Variants in HS2ST1 observed in about 807,000 individuals in gnomAD.
HS2ST1 encodes 2-O-sulfotransferase.
HS2ST1 carries 18 observed loss-of-function variants against 42.9 expected under a neutral mutation model. That is an observed-to-expected ratio of 0.42 (90% CI 0.29 to 0.62). The LOEUF is 0.62. Ranked by LOEUF, HS2ST1 falls within the 20% of genes least tolerant of loss-of-function variation. The pLI is 0.21. For missense variants in HS2ST1, 334 were observed against 433.8 expected (o/e 0.77, Z 2.04); for synonymous variants, 146 against 152.9 (o/e 0.95, Z 0.33).
chr1:87,060,755 A>C (rs1339468592), intron 1 of HS2ST1, among the ~76,000 whole-genome samples: 1 of 152,188 alleles, frequency 6.6e-6, no homozygotes, highest in Non-Finnish European at 1.5e-5. Context: ...TTAATGTAAT[A>C]ACTGTAGAAA....
chr1:86,987,906 GA>G (rs1344419771), intron 1 of HS2ST1, among the ~76,000 whole-genome samples: 1 of 152,148 alleles, frequency 6.6e-6, no homozygotes, highest in Non-Finnish European at 1.5e-5. Context: ...GGCTGTTTTG[GA>G]AAATCTTCCC....
At chr1:86,985,351 CAAA>C (rs71082050) in intron 1 of HS2ST1, among the ~76,000 whole-genome samples, 2 of 26,914 alleles carry the variant, frequency 7.4e-5, no homozygotes, top group African/African-American at 1.0e-4. Flanking sequence ...AGACTTGTAT[CAAA>C]AAAAAAAAAA....
At chr1:86,945,022 T>G (rs1291708982) in intron 1 of HS2ST1, among the ~76,000 whole-genome samples, 1 of 152,148 alleles carries the variant, frequency 6.6e-6, no homozygotes, top group Non-Finnish European at 1.5e-5. Context: ...ATCTCTTATA[T>G]CCCTCTAAAT....
At chr1:87,093,943 T>C (rs1364848579) in intron 4 of HS2ST1, among the ~76,000 whole-genome samples, 1 of 152,032 alleles carries the variant, frequency 6.6e-6, no homozygotes, top group Non-Finnish European at 1.5e-5. Context: ...CAAACACAGA[T>C]AACTAACCAA....
chr1:87,066,510 C>A (rs1651253362), intron 1 of HS2ST1, among the ~76,000 whole-genome samples: 1 of 152,144 alleles, frequency 6.6e-6, no homozygotes, highest in Non-Finnish European at 1.5e-5. Context: ...CACCCCTGTG[C>A]CATCAAATCT....
At chr1:86,922,811 C>T (rs1660328137) in intron 1 of HS2ST1, among the ~76,000 whole-genome samples, 2 of 151,934 alleles carry the variant, frequency 1.3e-5, no homozygotes, top group African/African-American at 4.8e-5. Flanking sequence ...TTCTTGTGCC[C>T]TTGTATTATG....
chr1:87,037,197 T>TG (rs140490840), intron 1 of HS2ST1, among the ~76,000 whole-genome samples: 2 of 120,772 alleles, frequency 1.7e-5, no homozygotes, highest in African/African-American at 2.9e-5. Flanking sequence ...GTTTAATATG[T>TG]AATTCTATAA....
chr1:86,923,528 C>T (rs1289166483), intron 1 of HS2ST1, among the ~76,000 whole-genome samples: 2 of 151,940 alleles, frequency 1.3e-5, no homozygotes, highest in Non-Finnish European at 2.9e-5. Flanking sequence ...TCCCGAGTAG[C>T]TGGGACTACA....
chr1:86,978,831 C>G (rs1648497770), intron 1 of HS2ST1, among the ~76,000 whole-genome samples: 1 of 148,174 alleles, frequency 6.7e-6, no homozygotes, highest in Non-Finnish European at 1.5e-5. Context: ...AATACTGATT[C>G]CTGATTCCTA....
intron 2 of HS2ST1, among the ~76,000 whole-genome samples, chr1:87,076,057 A>T (rs1175265098): frequency 6.6e-6 from 1 of 152,198 alleles, no homozygotes; most frequent in Non-Finnish European, 1.5e-5. Context: ...TAAAACATCA[A>T]TTTGTGGTGA....
At chr1:86,926,778 C>G (rs1660431255) in intron 1 of HS2ST1, among the ~76,000 whole-genome samples, 1 of 152,146 alleles carries the variant, frequency 6.6e-6, no homozygotes, top group Non-Finnish European at 1.5e-5. Flanking sequence ...TTTATTATGT[C>G]TCTTGATTTC....
Position 87,059,748 on chromosome 1 carries a change from AT to A in HS2ST1, c.125-13179del, listed in dbSNP as rs1294224733. 3.3e-5 allele frequency among the ~76,000 whole-genome samples: 5 copies of A among 152,246 alleles called. No individual in the cohort carries two copies. The East Asian group carries it at 9.6e-4, about 29-fold the overall frequency. On this transcript the variant is annotated intron_variant, in intron 1 of 6. Transcript: ENST00000370550. ...CAGGCTATGGGCGTCTGGTAAAAGA[AT>A]TTTTTTCCCAAAAATGCTCTGGGAG...
chr1:86,976,649 C>G (rs890601688), intron 1 of HS2ST1, among the ~76,000 whole-genome samples: 1 of 134,676 alleles, frequency 7.4e-6, no homozygotes, highest in African/African-American at 2.6e-5. Context: ...TTGAATGAGT[C>G]TATTATTTCT....
chr1:86,945,299 T>C (rs1040452174), intron 1 of HS2ST1, among the ~76,000 whole-genome samples: 2 of 152,154 alleles, frequency 1.3e-5, no homozygotes. Context: ...GGGGATATCA[T>C]TGGGAAGATG....
chr1:87,018,830 A>C (rs1649840210), intron 1 of HS2ST1, among the ~76,000 whole-genome samples: 1 of 152,174 alleles, frequency 6.6e-6, no homozygotes, highest in Non-Finnish European at 1.5e-5. Flanking sequence ...ATCTCTGGTT[A>C]TTCCAGTACT....
intron 2 of HS2ST1, among the ~76,000 whole-genome samples, chr1:87,076,589 G>A (rs188246228): frequency 1.8e-4 from 28 of 152,198 alleles, no homozygotes; most frequent in Non-Finnish European, 3.4e-4. Flanking sequence ...GAGAAACTAA[G>A]CAATTAGAAT....
At chr1:86,992,554 G>T (rs1001109333) in intron 1 of HS2ST1, among the ~76,000 whole-genome samples, 1 of 151,956 alleles carries the variant, frequency 6.6e-6, no homozygotes, top group Non-Finnish European at 1.5e-5. Context: ...TAGAGACGGG[G>T]TTTCTCCATG....
At chr1:86,924,285 C>T (rs144335418) in intron 1 of HS2ST1, among the ~76,000 whole-genome samples, 6 of 152,346 alleles carry the variant, frequency 3.9e-5, no homozygotes, top group African/African-American at 1.4e-4. Context: ...CCCCCCACTC[C>T]TGGCTACTTT....
rs1034811130 is a variant in HS2ST1, at chr1:87,046,571, C to T, written c.125-26363C>T. The T allele has an allele frequency of 4.3e-5, 68 of 1,576,794 alleles. 1 individual carries two copies. The South Asian group carries it at 5.4e-4, about 13-fold the overall frequency. ...TCTGTTGATAATGGACAAACTATGGCGGAAAAGGAAACCTCCAGTTCTGTT... is the reference window on the plus strand; with the variant it reads ...TCTGTTGATAATGGACAAACTATGGTGGAAAAGGAAACCTCCAGTTCTGTT... On this transcript the variant is annotated intron_variant, in intron 1 of 6. Coordinates refer to ENST00000370550, the MANE Select transcript of HS2ST1 (RefSeq NM_012262.4).
Sources: gnomAD v4.1 joint callset for allele counts (sites outside exome capture counted in the v4.1 genomes callset) on GRCh38, gnomAD v4.1.1 for gene constraint, MANE v1.5 for transcripts, NCBI Gene and HGNC (gene_info 2026-07-23, HGNC 2026-07-21) for gene names.